ATP9A: variants seen among roughly 807,000 people sequenced by gnomAD.
ATP9A encodes the protein ATPase phospholipid transporting 9A, also known as probable phospholipid-transporting ATPase IIA.
A neutral mutation model predicts 144.1 loss-of-function variants in ATP9A; 52 were observed. That is an observed-to-expected ratio of 0.36 (90% CI 0.29 to 0.45). The LOEUF (loss-of-function observed/expected upper bound fraction) is 0.45, where lower values mean the gene tolerates loss of function less well. ATP9A is among the 20% of genes least tolerant of loss of function. The pLI, the probability that ATP9A is intolerant of heterozygous loss-of-function variation, is 1.00. For missense variants in ATP9A, 947 were observed against 1,392.7 expected (o/e 0.68, Z 5.09); for synonymous variants, 582 against 557.4 (o/e 1.04, Z -0.62).
chr20:51,671,557 T>C (rs548676441), intron 11 of ATP9A, among the ~76,000 whole-genome samples: 1 of 152,278 alleles, frequency 6.6e-6, no homozygotes, highest in African/African-American at 2.4e-5. Context: ...TAAGCTAATA[T>C]ATTTTTGATG....
intron 4 of ATP9A, among the ~76,000 whole-genome samples, chr20:51,703,712 G>A (rs1203693613): frequency 1.3e-5 from 2 of 152,114 alleles, no homozygotes; most frequent in Non-Finnish European, 2.9e-5. Context: ...ACAAGCAAAT[G>A]ACAATTCAGT....
At chr20:51,616,839 G>A (rs777649777) in intron 22 of ATP9A, among the ~76,000 whole-genome samples, 71 of 152,106 alleles carry the variant, frequency 4.7e-4, no homozygotes, top group Non-Finnish European at 8.7e-4. Context: ...TAGCGCCCAA[G>A]AGATCAGCAC....
At chr20:51,716,330 C>A (rs1039032005) in intron 3 of ATP9A, among the ~76,000 whole-genome samples, 5 of 151,992 alleles carry the variant, frequency 3.3e-5, no homozygotes, top group African/African-American at 1.2e-4. Flanking sequence ...GGTGTGGTGG[C>A]TCACACCTAT....
intron 1 of ATP9A, among the ~76,000 whole-genome samples, chr20:51,750,718 A>G (rs1601144434): frequency 6.6e-6 from 1 of 152,214 alleles, no homozygotes; most frequent in East Asian, 1.9e-4. Flanking sequence ...GGACAGAGCC[A>G]GGATGTGAGT....
intron 16 of ATP9A, 98 bp downstream of exon 16, chr20:51,628,882 C>A (rs1241511408): frequency 4.1e-6 from 4 of 981,350 alleles, no homozygotes; most frequent in African/African-American, 3.2e-5. Flanking sequence ...GTTACACAGC[C>A]ACCGATAACA....
intron 9 of ATP9A, 145 bp from the exon 10 acceptor site, chr20:51,676,353 A>C: frequency 1.7e-6 from 1 of 603,162 alleles, no homozygotes; most frequent in Non-Finnish European, 2.8e-6. Flanking sequence ...CTCATGCTGG[A>C]GTCTGGAGTG....
intron 27 of ATP9A, 96 bp downstream of exon 27, chr20:51,604,721 A>C: frequency 8.6e-7 from 1 of 1,165,190 alleles, no homozygotes; most frequent in South Asian, 2.1e-5. Context: ...GCCCAGGCCG[A>C]GCGCTGGGAA....
Position 51,701,602 on chromosome 20 carries a change from CAA to C in ATP9A, c.437-4122_437-4121del, listed in dbSNP as rs1483227521. On this transcript the variant is annotated intron_variant, in intron 4 of 27. Coordinates refer to ENST00000338821, the MANE Select transcript of ATP9A (RefSeq NM_006045.3). Reference sequence around the variant, plus strand: ...AACCCCAGCAGGCCAATCCTTCATGCAAACACACCTACTGTACCCAACTGTCC... The same window carrying C: ...AACCCCAGCAGGCCAATCCTTCATGCACACACCTACTGTACCCAACTGTCC... 3.3e-5 allele frequency among the ~76,000 whole-genome samples: 5 copies of C among 152,178 alleles called. No individual in the cohort carries two copies. In the East Asian group the frequency reaches 9.6e-4, roughly 29 times the overall value.
intron 22 of ATP9A, among the ~76,000 whole-genome samples, chr20:51,616,172 T>TGAGAACCA (rs1469186937): frequency 6.6e-6 from 1 of 152,098 alleles, no homozygotes; most frequent in Non-Finnish European, 1.5e-5. Context: ...GTCATCTTGC[T>TGAGAACCA]GAGAACCAGA....
chr20:51,603,771 A>ATTAT (rs11470265), intron 27 of ATP9A, among the ~76,000 whole-genome samples: 6,799 of 149,794 alleles, frequency 0.045, 160 homozygotes, highest in Middle Eastern at 0.082. Context: ...AACATTTTTT[A>ATTAT]TTATTTATTT....
In ATP9A at chr20:51,672,592, C is replaced by T. The variant is rs540204704; in HGVS notation, c.1038-1335G>A. Among the ~76,000 whole-genome samples, 7 of 152,216 alleles carry T rather than the reference C, an allele frequency of 4.6e-5. No homozygotes were observed. The East Asian group carries it at 9.6e-4, about 21-fold the overall frequency. On this transcript the variant is annotated intron_variant, in intron 11 of 27. Transcript: ENST00000338821. ...CCCTGTCACACTGTTTTACACAAAA[C>T]GACAATCTCTGTCCCCAGAAAAAGA...
intron 1 of ATP9A, among the ~76,000 whole-genome samples, chr20:51,764,564 G>T (rs2077895590): frequency 6.6e-6 from 1 of 152,062 alleles, no homozygotes; most frequent in Non-Finnish European, 1.5e-5. Context: ...ATCGTTTTTG[G>T]TTTTTTTAAC....
intron 2 of ATP9A, among the ~76,000 whole-genome samples, chr20:51,727,820 A>C (rs996621279): frequency 6.6e-6 from 1 of 151,620 alleles, no homozygotes; most frequent in African/African-American, 2.4e-5. Context: ...AATCCCAGCT[A>C]CTCAGGAGGC....
chr20:51,739,610 C>T (rs2077776752), intron 1 of ATP9A, among the ~76,000 whole-genome samples: 1 of 152,064 alleles, frequency 6.6e-6, no homozygotes, highest in Admixed American at 6.6e-5. Context: ...ACTCTTTAAT[C>T]ATGGTTGTAA....
chr20:51,697,389 T>C (rs771302870), intron 5 of ATP9A, 35 bp downstream of exon 5: 2 of 1,599,194 alleles, frequency 1.3e-6, no homozygotes, highest in African/African-American at 2.7e-5. Flanking sequence ...ACCCATGAAG[T>C]GGTATCCACA....
intron 13 of ATP9A, among the ~76,000 whole-genome samples, chr20:51,668,288 TG>T (rs955549727): frequency 1.9e-4 from 29 of 149,872 alleles, no homozygotes; most frequent in African/African-American, 6.6e-4. Context: ...ATGGAGGGCG[TG>T]GTGTGCACTA....
intron 10 of ATP9A, among the ~76,000 whole-genome samples, chr20:51,675,451 C>T (rs898828076): frequency 4.6e-5 from 7 of 152,164 alleles, no homozygotes; most frequent in Admixed American, 3.9e-4. Flanking sequence ...GGACAGGGCA[C>T]GGTGCTTCCT....
chr20:51,710,824 G>A (rs1468094282), intron 4 of ATP9A, among the ~76,000 whole-genome samples: 1 of 152,090 alleles, frequency 6.6e-6, no homozygotes. Flanking sequence ...GTGCAGTGGA[G>A]GGCAGAAAAA....
intron 14 of ATP9A, among the ~76,000 whole-genome samples, chr20:51,651,368 ATATTTCTTTACATAT>A (rs1601082533): frequency 1.2e-4 from 17 of 142,382 alleles, no homozygotes; most frequent in East Asian, 1.0e-3. Context: ...TACATTATAT[ATATTTCTTTACATAT>A]TTATAATATG....
Sources: allele counts gnomAD v4.1 joint callset (sites outside exome capture counted in the v4.1 genomes callset), GRCh38; gene constraint gnomAD v4.1.1; transcripts MANE v1.5; gene names NCBI Gene and HGNC (gene_info 2026-07-23, HGNC 2026-07-21).